The following KHDRBS2 variants were observed in gnomAD, a reference collection of about 807,000 sequenced individuals.
The protein encoded by KHDRBS2 is KH domain-containing, RNA-binding, signal transduction-associated protein 2.
In KHDRBS2, 26 loss-of-function variants were observed where a neutral mutation model predicts 44.3. That is an observed-to-expected ratio of 0.59 (90% CI 0.43 to 0.81). The LOEUF is 0.81. Among genes scored for constraint, KHDRBS2 ranks in the 40% least tolerant of loss-of-function variants. The pLI is 0.00. For missense variants in KHDRBS2, 476 were observed against 433.1 expected, an observed-to-expected ratio of 1.10 and a Z score of -0.88; for synonymous variants, 194 against 151.1, an observed-to-expected ratio of 1.28 and a Z score of -2.08.
Position 61,679,988 on chromosome 6 carries a change from A to G in KHDRBS2, c.*975T>C, listed in dbSNP as rs1766152040. 1 of 151,942 alleles carries G rather than the reference A, an allele frequency of 6.6e-6. No homozygotes were observed. Among genetic ancestry groups the G allele is most frequent in the African/African-American group, 2.4e-5 (1 of 41,420 alleles). The allele number at this position is 151,942 out of a possible 1,614,324, so 9.4% of individuals were successfully genotyped here. On this transcript the variant is annotated 3_prime_UTR_variant, in exon 9 of 9. Transcript: ENST00000281156. ...GTTTAAAATCCATTTATTATTCTAA[A>G]TCCATTTTTTTCCATTAACATGTTA...
the KHDRBS2 span, among the ~76,000 whole-genome samples, chr6:61,629,417 C>T: frequency 1.2e-4 from 19 of 152,122 alleles, no homozygotes; most frequent in East Asian, 3.9e-4. Flanking sequence ...TAACTGAAGA[C>T]GAAATATTAG....
chr6:62,259,566 T>C (rs569254688), intron 1 of KHDRBS2, among the ~76,000 whole-genome samples: 1 of 152,128 alleles, frequency 6.6e-6, no homozygotes, highest in South Asian at 2.1e-4. Context: ...ATTTTGTTAA[T>C]ATAGTCAGGA....
chr6:62,210,327 CTTT>C (rs70996209), intron 1 of KHDRBS2, among the ~76,000 whole-genome samples: 18 of 122,102 alleles, frequency 1.5e-4, no homozygotes, highest in Non-Finnish European at 1.5e-4. Flanking sequence ...TTCTAGCATT[CTTT>C]TTTTTTTTTT....
intron 7 of KHDRBS2, among the ~76,000 whole-genome samples, chr6:61,726,717 G>A (rs1402169871): frequency 6.6e-6 from 1 of 152,080 alleles, no homozygotes; most frequent in Non-Finnish European, 1.5e-5. Context: ...GCTAGCAAGG[G>A]AAGTGACGGA....
At chr6:62,217,503 T>C (rs1449843256) in intron 1 of KHDRBS2, among the ~76,000 whole-genome samples, 1 of 151,836 alleles carries the variant, frequency 6.6e-6, no homozygotes, top group Non-Finnish European at 1.5e-5. Context: ...TTCAAACACA[T>C]AGTTGGTAAT....
intron 6 of KHDRBS2, among the ~76,000 whole-genome samples, chr6:61,763,030 C>G (rs932895048): frequency 6.6e-6 from 1 of 152,130 alleles, no homozygotes; most frequent in Non-Finnish European, 1.5e-5. Flanking sequence ...GGGATCTATT[C>G]TGTCTATTCT....
chr6:61,710,361 G>A (rs891977588), intron 7 of KHDRBS2, among the ~76,000 whole-genome samples: 2 of 151,646 alleles, frequency 1.3e-5, no homozygotes, highest in Non-Finnish European at 2.9e-5. Context: ...GTTTGTCTTT[G>A]TTTACCATCA....
At chr6:62,072,993 C>T (rs1176550429) in intron 2 of KHDRBS2, among the ~76,000 whole-genome samples, 4 of 151,972 alleles carry the variant, frequency 2.6e-5, no homozygotes, top group Non-Finnish European at 5.9e-5. Flanking sequence ...GGTTGGTACG[C>T]TATTAATTAT....
chr6:62,232,140 C>T (rs1433922780), intron 1 of KHDRBS2, among the ~76,000 whole-genome samples: 1 of 151,998 alleles, frequency 6.6e-6, no homozygotes, highest in Non-Finnish European at 1.5e-5. Flanking sequence ...GACCTTTTTG[C>T]TTCTTATTTA....
At chr6:61,937,812 A>G (rs11965651) in intron 4 of KHDRBS2, among the ~76,000 whole-genome samples, 3,354 of 152,192 alleles carry the variant, frequency 0.022, 132 homozygotes, top group African/African-American at 0.077. Context: ...TTTAAGGCTT[A>G]TATAGGGACA....
chr6:62,127,140 G>A (rs1261363173), intron 2 of KHDRBS2, among the ~76,000 whole-genome samples: 2 of 152,108 alleles, frequency 1.3e-5, no homozygotes, highest in Non-Finnish European at 2.9e-5. Context: ...GGTGGCAAGT[G>A]AGTCTCCTTA....
chr6:62,096,919 G>C (rs1176139829), intron 2 of KHDRBS2, among the ~76,000 whole-genome samples: 2 of 151,640 alleles, frequency 1.3e-5, no homozygotes, highest in African/African-American at 2.4e-5. Flanking sequence ...CTATAGATTT[G>C]GGAAGGATGT....
chr6:61,863,653 C>A (rs1348766236), intron 6 of KHDRBS2, among the ~76,000 whole-genome samples: 1 of 152,052 alleles, frequency 6.6e-6, no homozygotes, highest in African/African-American at 2.4e-5. Context: ...GAGACTGTTT[C>A]TAACTATTTT....
the KHDRBS2 span, among the ~76,000 whole-genome samples, chr6:61,614,372 C>T: frequency 5.3e-5 from 8 of 152,100 alleles, no homozygotes; most frequent in Non-Finnish European, 1.0e-4. Context: ...CTACAATCTG[C>T]TAATATTTTA....
intron 3 of KHDRBS2, among the ~76,000 whole-genome samples, chr6:62,034,707 A>C (rs953314195): frequency 1.3e-5 from 2 of 151,168 alleles, no homozygotes; most frequent in Admixed American, 6.6e-5. Context: ...AAAAAAAAAA[A>C]AAAAAAAAAC....
At chr6:61,651,503 C>A in the KHDRBS2 span, among the ~76,000 whole-genome samples, 1 of 152,000 alleles carries the variant, frequency 6.6e-6, no homozygotes, top group East Asian at 1.9e-4. Flanking sequence ...CCTCTTGTGG[C>A]ATTATATGGT....
chr6:61,804,898 C>A (rs1444500363), intron 6 of KHDRBS2, among the ~76,000 whole-genome samples: 1 of 152,132 alleles, frequency 6.6e-6, no homozygotes, highest in Non-Finnish European at 1.5e-5. Flanking sequence ...TCTGACATGC[C>A]CTGGAGACAT....
intron 4 of KHDRBS2, among the ~76,000 whole-genome samples, chr6:61,960,682 T>C (rs973574975): frequency 1.3e-5 from 2 of 152,144 alleles, no homozygotes; most frequent in Non-Finnish European, 2.9e-5. Context: ...TACAGATAAA[T>C]TATTCTAAGC....
At chr6:61,942,915 T>C (rs1024443332) in intron 4 of KHDRBS2, among the ~76,000 whole-genome samples, 2 of 142,172 alleles carry the variant, frequency 1.4e-5, no homozygotes, top group Non-Finnish European at 3.0e-5. Context: ...AATGGGAAGA[T>C]ATGTTGGAAA....
Sources: gnomAD v4.1 joint callset for allele counts (sites outside exome capture counted in the v4.1 genomes callset) on GRCh38, gnomAD v4.1.1 for gene constraint, MANE v1.5 for transcripts, NCBI Gene and HGNC (gene_info 2026-07-23, HGNC 2026-07-21) for gene names.